ACTN4: variants seen among roughly 807,000 people sequenced by gnomAD.
ACTN4 encodes alpha-actinin-4.
ACTN4 carries 18 observed loss-of-function variants against 114.2 expected under a neutral mutation model. That is an observed-to-expected ratio of 0.16 (90% CI 0.11 to 0.23). The LOEUF (loss-of-function observed/expected upper bound fraction) is 0.23, where lower values mean the gene tolerates loss of function less well. ACTN4 is among the 10% of genes least tolerant of loss of function. The pLI, the probability that ACTN4 is intolerant of heterozygous loss-of-function variation, is 1.00. For missense variants in ACTN4, 722 were observed against 1,262.9 expected (o/e 0.57, Z 6.49); for synonymous variants, 515 against 506.3 (o/e 1.02, Z -0.23).
At chr19:38,654,239 C>G (rs1297862671) in intron 1 of ACTN4, among the ~76,000 whole-genome samples, 1 of 152,166 alleles carries the variant, frequency 6.6e-6, no homozygotes, top group East Asian at 1.9e-4. Flanking sequence ...AATTAACCAC[C>G]TGACCCAGGG....
chr19:38,714,608 C>T, intron 9 of ACTN4, 47 bp downstream of exon 9: 1 of 1,577,768 alleles, frequency 6.3e-7, no homozygotes, highest in Non-Finnish European at 8.7e-7. Flanking sequence ...TTATCCTCAG[C>T]CAGAGGTCAC....
chr19:38,694,539 T>A (rs1200994461), intron 1 of ACTN4, among the ~76,000 whole-genome samples: 2 of 151,640 alleles, frequency 1.3e-5, no homozygotes, highest in Non-Finnish European at 2.9e-5. Flanking sequence ...GGATTACAGG[T>A]GCGAGCCACT....
rs1405530684 is a variant in ACTN4 at position 38,730,975 on chromosome 19, G to A, written c.*1543G>A. 1 of 1,550,950 alleles carries A rather than the reference G, an allele frequency of 6.4e-7. No individual in the cohort carries two copies. The highest frequency in any genetic ancestry group is 1.2e-5 in the South Asian group (1 of 84,114). On this transcript the variant is annotated 3_prime_UTR_variant, in exon 21 of 21. Coordinates refer to ENST00000252699, the MANE Select transcript of ACTN4 (RefSeq NM_004924.6). Reference sequence around the variant, plus strand: ...TCCCACCTGGCTCACCTGTCTGTGGGTCAGGCAGATGACCCCCTCACCCCC... The same window carrying A: ...TCCCACCTGGCTCACCTGTCTGTGGATCAGGCAGATGACCCCCTCACCCCC...
chr19:38,710,372 C>T (rs757729919), intron 8 of ACTN4, 30 bp downstream of exon 8: 18 of 1,606,480 alleles, frequency 1.1e-5, no homozygotes, highest in Middle Eastern at 1.7e-4. Flanking sequence ...AGGCCCTCCT[C>T]GCCGCCACCG....
intron 20 of ACTN4, 25 bp from the exon 21 acceptor site, chr19:38,729,249 C>G: frequency 6.2e-7 from 1 of 1,612,430 alleles, no homozygotes; most frequent in Non-Finnish European, 8.5e-7. Flanking sequence ...GGGGATGGCT[C>G]AGAGTCCCAT....
chr19:38,659,369 T>G (rs962159750), intron 1 of ACTN4, among the ~76,000 whole-genome samples: 1 of 152,062 alleles, frequency 6.6e-6, no homozygotes, highest in South Asian at 2.1e-4. Flanking sequence ...TTTGTAACTT[T>G]CATTAACACT....
chr19:38,723,539 C>A, intron 12 of ACTN4, 75 bp from the exon 13 acceptor site: 2 of 1,145,038 alleles, frequency 1.7e-6, no homozygotes, highest in Non-Finnish European at 2.6e-6. Context: ...GCCTGGGAAC[C>A]TTGGGGGTAG....
intron 1 of ACTN4, among the ~76,000 whole-genome samples, chr19:38,691,088 A>T (rs1445432317): frequency 6.6e-6 from 1 of 152,186 alleles, no homozygotes; most frequent in African/African-American, 2.4e-5. Context: ...CAAAGAACAT[A>T]GTTTTTGATG....
rs371929593 is a variant in ACTN4 at position 38,665,871 on chromosome 19, C to T, written c.162+17964C>T. Among the ~76,000 whole-genome samples the T allele has an allele frequency of 1.5e-4, 23 of 152,328 alleles. No individual in the cohort carries two copies. The East Asian group carries it at 4.4e-3, about 29-fold the overall frequency. ...TCCCTTCTTTCCCTGGGTCCCCTTC[C>T]CCGCAAAGCAAAGTCCAACTCAAGT... On this transcript the variant is annotated intron_variant, in intron 1 of 20. Transcript: ENST00000252699.
At chr19:38,683,954 T>C (rs1967657970) in intron 1 of ACTN4, 3 of 152,296 alleles carry the variant, frequency 2.0e-5, no homozygotes, top group African/African-American at 4.8e-5. Context: ...TGGTTTTGTG[T>C]CTTCCTTAGA....
rs79190898 is a variant in ACTN4, at chr19:38,690,768, C to T, written c.163-9832C>T. Among the ~76,000 whole-genome samples, 622 of 152,216 alleles carry T rather than the reference C, an allele frequency of 4.1e-3. 5 individuals carry two copies. The highest frequency in any genetic ancestry group is 0.014 in the African/African-American group (589 of 41,528). The stretch of plus-strand genomic sequence containing the variant: ...TCTGGAATTAGTGGTGATTGTTGCA[C>T]GATCTTGTGAATATACTAAAACTCC... On this transcript the variant is annotated intron_variant, in intron 1 of 20. Transcript: ENST00000252699.
At chr19:38,709,333 C>T in intron 6 of ACTN4, 62 bp from the exon 7 acceptor site, 2 of 1,301,792 alleles carry the variant, frequency 1.5e-6, no homozygotes, top group Non-Finnish European at 2.2e-6. Flanking sequence ...AGCCCTGCCT[C>T]CCTCCTGCTC....
chr19:38,668,049 A>G (rs1967018388), intron 1 of ACTN4, among the ~76,000 whole-genome samples: 1 of 152,152 alleles, frequency 6.6e-6, no homozygotes, highest in African/African-American at 2.4e-5. Flanking sequence ...TAGAATTACA[A>G]ATAAACCCTG....
chr19:38,730,830 C>T lies in ACTN4; in HGVS notation c.*1398C>T. The stretch of plus-strand genomic sequence containing the variant: ...TGCTCAGCAACCCTGCCCTGAGCAG[C>T]AGGTGCGCCCATCCGGAGATCCTAG... On this transcript the variant is annotated 3_prime_UTR_variant, in exon 21 of 21. Coordinates refer to ENST00000252699, the MANE Select transcript of ACTN4 (RefSeq NM_004924.6). 2 of 1,550,672 alleles carry T rather than the reference C, an allele frequency of 1.3e-6. No individual in the cohort carries two copies. Among genetic ancestry groups the T allele is most frequent in the Non-Finnish European group, 1.7e-6 (2 of 1,147,090 alleles).
intron 1 of ACTN4, among the ~76,000 whole-genome samples, chr19:38,681,678 G>C (rs1967581961): frequency 6.6e-6 from 1 of 152,224 alleles, no homozygotes; most frequent in African/African-American, 2.4e-5. Context: ...TGGCTCGCCA[G>C]TGTCCCTCTC....
In ACTN4 at chr19:38,677,762, G is replaced by A. The variant is rs142218101; in HGVS notation, c.163-22838G>A. ...TCTTTTTTTTCTTTTTCTTTTTTGA[G>A]ACGGAGTCTCGCTGTGTTGCCCAGG... On this transcript the variant is annotated intron_variant, in intron 1 of 20. Transcript: ENST00000252699. Among the ~76,000 whole-genome samples, 710 of 152,118 alleles carry A rather than the reference G, an allele frequency of 4.7e-3. 3 individuals are homozygous for A. Among genetic ancestry groups the A allele is most frequent in the Non-Finnish European group, 6.3e-3 (428 of 68,010 alleles).
At chr19:38,677,593 C>T (rs886660820) in intron 1 of ACTN4, among the ~76,000 whole-genome samples, 6 of 55,504 alleles carry the variant, frequency 1.1e-4, no homozygotes, top group African/African-American at 2.6e-4. Flanking sequence ...CTGCCAGGCT[C>T]ATTGCATCCC....
intron 1 of ACTN4, among the ~76,000 whole-genome samples, chr19:38,692,305 G>C (rs1236037723): frequency 6.6e-6 from 1 of 152,250 alleles, no homozygotes; most frequent in Non-Finnish European, 1.5e-5. Context: ...CTGAACTGCC[G>C]CAGTGCTAGC....
chr19:38,719,557 G>A lies in ACTN4; in HGVS notation c.1291+1483G>A, dbSNP rs537080285. Reference sequence around the variant, plus strand: ...GAAGGGCCTGGCCAGGCCGGGTGCCGCACTTCCCTCTTGCCTGGCAGAAAG... The same window carrying A: ...GAAGGGCCTGGCCAGGCCGGGTGCCACACTTCCCTCTTGCCTGGCAGAAAG... On this transcript the variant is annotated intron_variant, in intron 11 of 20. Coordinates refer to ENST00000252699, the MANE Select transcript of ACTN4 (RefSeq NM_004924.6). Among the ~76,000 whole-genome samples, 21 of 152,368 alleles carry A rather than the reference G, an allele frequency of 1.4e-4. No homozygotes were observed. In the East Asian group the frequency reaches 3.5e-3, roughly 25 times the overall value.
Sources: allele counts gnomAD v4.1 joint callset (sites outside exome capture counted in the v4.1 genomes callset), GRCh38; gene constraint gnomAD v4.1.1; transcripts MANE v1.5; gene names NCBI Gene and HGNC (gene_info 2026-07-23, HGNC 2026-07-21).